The following P2RX6 variants were observed in gnomAD, a reference collection of about 807,000 sequenced individuals.
P2RX6 encodes purinergic receptor P2X 6.
Under a neutral mutation model 54.2 loss-of-function variants are expected in P2RX6, and 62 were observed. That is an observed-to-expected ratio of 1.14 (90% confidence interval 0.93 to 1.41). P2RX6 has a LOEUF of 1.41. Ranked by LOEUF, P2RX6 falls within the 40% of genes most tolerant of loss-of-function variation. The pLI is 0.00. For synonymous variants in P2RX6, 211 were observed against 231.9 expected, an observed-to-expected ratio of 0.91 and a Z score of 0.82; for missense variants, 541 against 566.3, an observed-to-expected ratio of 0.96 and a Z score of 0.45.
chr22:21,022,945 T>G lies in P2RX6; in HGVS notation c.467T>G (p.Val156Gly). The G allele has an allele frequency of 6.2e-7, 1 of 1,613,036 alleles. No individual in the cohort carries two copies. Among genetic ancestry groups the G allele is most frequent in the Non-Finnish European group, 8.5e-7 (1 of 1,179,110 alleles). ...GAGTTCATCTTTTGTTTTCTAGGTG[T>G]AAAAACAGGCCAGTGTGTGGTGTTC... ...EGEGGTHSHG[V>G]KTGQCVVFNG... The change falls in exon 5 of 12, where the codon GTA (valine) becomes GGA (glycine). Residue 156 changes from valine to glycine, a missense_variant. Transcript: ENST00000413302.
At chr22:21,012,105 C>G (rs1368503590), upstream of P2RX6, among the ~76,000 whole-genome samples, 2 of 152,232 alleles carry the variant, frequency 1.3e-5, no homozygotes, top group African/African-American at 4.8e-5. Context: ...TTTCATAGGT[C>G]ACCCCGTTTT....
At chr22:21,012,637 G>A (rs1450194447), upstream of P2RX6, 5 of 568,442 alleles carry the variant, frequency 8.8e-6, no homozygotes, top group African/African-American at 7.6e-5. Context: ...GGAGCTCAAT[G>A]AGGAAGCCAG....
chr22:21,010,108 A>T (rs1261007370), intron 1 of P2RX6: 6 of 152,222 alleles, frequency 3.9e-5, no homozygotes, highest in African/African-American at 1.4e-4. Flanking sequence ...GGACGCACAG[A>T]TCCAAGCTCC....
chr22:21,021,974 C>G (rs1232388598), intron 3 of P2RX6, among the ~76,000 whole-genome samples: 3 of 152,200 alleles, frequency 2.0e-5, no homozygotes, highest in Non-Finnish European at 4.4e-5. Context: ...AAAACTCACC[C>G]TCCCAAGGTA....
intron 3 of P2RX6, among the ~76,000 whole-genome samples, chr22:21,020,629 C>T (rs899548862): frequency 7.1e-6 from 1 of 140,514 alleles, no homozygotes; most frequent in Non-Finnish European, 1.5e-5. Flanking sequence ...CTCGCTCTGT[C>T]ACCCAGGCTG....
chr22:21,022,848 C>T, intron 4 of P2RX6, 94 bp from the exon 5 acceptor site: 2 of 1,478,958 alleles, frequency 1.4e-6, no homozygotes, highest in Non-Finnish European at 1.9e-6. Flanking sequence ...CGCCTCTGTC[C>T]CTGCATCTCT....
At chr22:21,011,648 C>G, upstream of P2RX6, 2 of 697,102 alleles carry the variant, frequency 2.9e-6, no homozygotes, top group Admixed American at 2.0e-5. Flanking sequence ...CCACCCCCCT[C>G]CCCCCTCTTC....
chr22:21,018,833 G>A (rs1382990229), intron 3 of P2RX6: 3 of 151,426 alleles, frequency 2.0e-5, no homozygotes, highest in Non-Finnish European at 4.4e-5. Flanking sequence ...GTGTTAGCCA[G>A]GATGGTCTCC....
intron 1 of P2RX6, chr22:21,010,151 G>C (rs1925659392): frequency 6.6e-6 from 1 of 152,238 alleles, no homozygotes; most frequent in African/African-American, 2.4e-5. Context: ...CCCTCCCACA[G>C]ATCTCTTGGA....
At chr22:21,011,533 G>A (rs1555933480), upstream of P2RX6, 8 of 714,396 alleles carry the variant, frequency 1.1e-5, no homozygotes, top group South Asian at 1.0e-4. Context: ...CACTGTGAGG[G>A]CGGCACAGAG....
rs1926308784 is a variant in P2RX6 at position 21,015,998 on chromosome 22, C to A, written c.221C>A (p.Ser74Tyr). The A allele has an allele frequency of 2.6e-6, 4 of 1,550,896 alleles. No homozygotes were observed. The highest frequency in any genetic ancestry group is 3.5e-6 in the Non-Finnish European group (4 of 1,147,552). ...GAGCGGGACCTGGAACCCCAGTTTT[C>A]CATCATCACCAAACTCAAAGGGGTT... ...YQERDLEPQF[S>Y]IITKLKGVSV... Residue 74 changes from serine (S) to tyrosine (Y), a missense_variant, in exon 2 of 12, where the codon TCC becomes TAC. By Grantham distance (144) the Ser-to-Tyr change is moderately radical. Coordinates refer to ENST00000413302, the MANE Select transcript of P2RX6 (RefSeq NM_005446.5).
intron 3 of P2RX6, among the ~76,000 whole-genome samples, chr22:21,021,550 G>T (rs557108233): frequency 6.6e-6 from 1 of 152,152 alleles, no homozygotes; most frequent in Non-Finnish European, 1.5e-5. Flanking sequence ...ACCCAATCAC[G>T]ACGGCCCTGT....
At position 21,023,055 on chromosome 22, in the gene P2RX6, C is replaced by T. The variant is rs747291696; in HGVS notation, c.557+20C>T. Reference sequence around the variant, plus strand: ...GCCCTCGTAAGTGTCCCCACAATCCCCTACCCCAACTGGCGCAGGGCCCCA... The same window carrying T: ...GCCCTCGTAAGTGTCCCCACAATCCTCTACCCCAACTGGCGCAGGGCCCCA... On this transcript the variant is annotated intron_variant, in intron 5 of 11. Coordinates refer to ENST00000413302, the MANE Select transcript of P2RX6 (RefSeq NM_005446.5). 12 of 1,612,604 alleles carry T rather than the reference C, an allele frequency of 7.4e-6. No homozygotes were observed. Among genetic ancestry groups the T allele is most frequent in the Admixed American group, 1.7e-5 (1 of 59,972 alleles).
intron 3 of P2RX6, chr22:21,018,391 C>A (rs1926801507): frequency 5.4e-6 from 2 of 368,530 alleles, no homozygotes; most frequent in Admixed American, 7.6e-5. Flanking sequence ...GCCCTCCCAT[C>A]CTGGTCCTGC....
chr22:21,010,525 G>GCT (rs1329460444), upstream of P2RX6, among the ~76,000 whole-genome samples: 1 of 152,090 alleles, frequency 6.6e-6, no homozygotes, highest in Non-Finnish European at 1.5e-5. Flanking sequence ...GCAGAAAAGA[G>GCT]CTCTCCTGGG....
At chr22:21,017,437 C>T (rs1926583501) in intron 2 of P2RX6, among the ~76,000 whole-genome samples, 1 of 152,226 alleles carries the variant, frequency 6.6e-6, no homozygotes, top group Non-Finnish European at 1.5e-5. Flanking sequence ...TCCCTTGGCC[C>T]CTGCCATGCC....
At position 21,022,695 on chromosome 22, in the gene P2RX6, C is replaced by A; in HGVS notation, c.407C>A (p.Ala136Asp). 1 of 1,572,000 alleles carries A rather than the reference C, an allele frequency of 6.4e-7. No individual in the cohort carries two copies. The highest frequency in any genetic ancestry group is 8.6e-7 in the Non-Finnish European group (1 of 1,160,222). ...RCPEHPSVPL[A>D]NCWVDEDCPE... ...CCTCAGCACCCGTCCGTCCCACTGG[C>A]TAACTGCTGGGTCGACGAGGACTGC... Residue 136 changes from alanine (A) to aspartate (D), a missense_variant, in exon 4 of 12, where the codon GCT becomes GAT. Transcript: ENST00000413302.
intron 8 of P2RX6, among the ~76,000 whole-genome samples, chr22:21,025,287 C>T (rs1450977233): frequency 1.3e-5 from 2 of 152,128 alleles, no homozygotes; most frequent in Non-Finnish European, 2.9e-5. Flanking sequence ...CAGGCACACA[C>T]GACCACCAGG....
rs769112655 is a variant in P2RX6, at chr22:21,025,893, G to C, written c.979G>C (p.Gly327Arg). ...YGIRFDILVT[G>R]QAGKFGLIPT... The stretch of plus-strand genomic sequence containing the variant: ...AATCCGCTTCGACATCCTCGTCACC[G>C]GGCAGGTAGGCACAGGTAGGGGTCA... The change falls in exon 9 of 12, where the codon GGG becomes CGG. Residue 327 changes from glycine (G) to arginine (R), a missense_variant. Gly to Arg is a moderately radical substitution (Grantham distance 125). This residue lies in a region of P2RX6 where 526 missense variants were observed against 531.5 expected (regional missense o/e 0.99). Coordinates refer to ENST00000413302, the MANE Select transcript of P2RX6 (RefSeq NM_005446.5). The C allele has an allele frequency of 1.9e-6, 3 of 1,578,104 alleles. No individual in the cohort carries two copies. Among genetic ancestry groups the C allele is most frequent in the Non-Finnish European group, 1.7e-6 (2 of 1,162,438 alleles).
Sources: gnomAD v4.1 joint callset for allele counts (sites outside exome capture counted in the v4.1 genomes callset) on GRCh38, gnomAD v4.1.1 for gene constraint, gnomAD v4.1.1 regional missense constraint, MANE v1.5 for transcripts, NCBI Gene and HGNC (gene_info 2026-07-23, HGNC 2026-07-21) for gene names.